SH3GL2: variants seen among roughly 807,000 people sequenced by gnomAD.
SH3GL2 encodes SH3 domain containing GRB2 like 2, endophilin A1, also known as endophilin-A1.
In SH3GL2, 24 loss-of-function variants were observed where a neutral mutation model predicts 46.0. The observed-to-expected ratio is 0.52, with a 90% CI of 0.38 to 0.73. The LOEUF (loss-of-function observed/expected upper bound fraction) is 0.73, where lower values mean the gene tolerates loss of function less well. SH3GL2 is among the 30% of genes least tolerant of loss of function. The probability of loss-of-function intolerance (pLI) is 0.00; values close to 1 mark genes in which losing one functional copy is unlikely to be tolerated. For missense variants in SH3GL2, 413 were observed against 424.2 expected, an observed-to-expected ratio of 0.97 and a Z score of 0.23; for synonymous variants, 196 against 147.1, an observed-to-expected ratio of 1.33 and a Z score of -2.40.
chr9:17,776,442 G>C (rs948096178), intron 3 of SH3GL2, among the ~76,000 whole-genome samples: 2 of 152,040 alleles, frequency 1.3e-5, no homozygotes, highest in Non-Finnish European at 2.9e-5. Context: ...TCCAGAAAAA[G>C]AATCTCAGGG....
At chr9:17,670,331 C>A (rs184925564) in intron 1 of SH3GL2, among the ~76,000 whole-genome samples, 7 of 152,138 alleles carry the variant, frequency 4.6e-5, no homozygotes, top group African/African-American at 1.4e-4. Flanking sequence ...TCTTGGGCTG[C>A]TTTTTGTTAG....
At chr9:17,600,854 T>C (rs550046153) in intron 1 of SH3GL2, among the ~76,000 whole-genome samples, 3 of 152,310 alleles carry the variant, frequency 2.0e-5, no homozygotes, top group East Asian at 1.9e-4. Context: ...GAAAGAGATA[T>C]GTTATTTATG....
chr9:17,706,985 GTA>G lies in SH3GL2; in HGVS notation c.46-40071_46-40070del, dbSNP rs202120325. On this transcript the variant is annotated intron_variant, in intron 1 of 8. Transcript: ENST00000380607. ...AGTAAAAGGGATTTTTAGGCAATTTGTATATATATATGCACTTGACATATAAA... is the reference window on the plus strand; with the variant it reads ...AGTAAAAGGGATTTTTAGGCAATTTGTATATATATGCACTTGACATATAAA... 1.6e-3 allele frequency among the ~76,000 whole-genome samples: 244 copies of G among 151,940 alleles called. 3 individuals carry two copies. Among genetic ancestry groups the G allele is most frequent in the African/African-American group, 5.0e-3 (208 of 41,470 alleles).
chr9:17,756,660 A>C (rs920984450), intron 2 of SH3GL2, among the ~76,000 whole-genome samples: 5 of 151,842 alleles, frequency 3.3e-5, no homozygotes, highest in African/African-American at 7.3e-5. Flanking sequence ...TGAACTCATC[A>C]TTTTTTATGG....
intron 1 of SH3GL2, among the ~76,000 whole-genome samples, chr9:17,702,226 T>C (rs1280117361): frequency 6.6e-6 from 1 of 152,114 alleles, no homozygotes; most frequent in East Asian, 1.9e-4. Context: ...GGATCCATAA[T>C]TCACATTGGC....
intron 3 of SH3GL2, among the ~76,000 whole-genome samples, chr9:17,763,190 G>C (rs1179488981): frequency 1.3e-5 from 2 of 152,168 alleles, no homozygotes; most frequent in South Asian, 2.1e-4. Context: ...AAAATTCATT[G>C]TAACACAAAT....
At chr9:17,727,681 G>A (rs1420746465) in intron 1 of SH3GL2, among the ~76,000 whole-genome samples, 3 of 152,144 alleles carry the variant, frequency 2.0e-5, no homozygotes, top group Admixed American at 6.5e-5. Flanking sequence ...AGTGGATGAC[G>A]ATTTCCATAT....
At chr9:17,659,202 T>C (rs1588212269) in intron 1 of SH3GL2, among the ~76,000 whole-genome samples, 2 of 152,190 alleles carry the variant, frequency 1.3e-5, no homozygotes, top group African/African-American at 4.8e-5. Context: ...GTATTTACAC[T>C]GGGATCCCAT....
At chr9:17,687,830 C>T (rs1055783066) in intron 1 of SH3GL2, among the ~76,000 whole-genome samples, 1 of 152,008 alleles carries the variant, frequency 6.6e-6, no homozygotes, top group African/African-American at 2.4e-5. Context: ...GTCTCAAAGA[C>T]CACTTATTAT....
At chr9:17,709,698 C>G (rs1046879739) in intron 1 of SH3GL2, among the ~76,000 whole-genome samples, 4 of 151,702 alleles carry the variant, frequency 2.6e-5, no homozygotes, top group Admixed American at 6.6e-5. Context: ...CACACACACA[C>G]ACACACACAC....
chr9:17,624,841 T>C (rs1819243588), intron 1 of SH3GL2, among the ~76,000 whole-genome samples: 1 of 152,206 alleles, frequency 6.6e-6, no homozygotes, highest in Non-Finnish European at 1.5e-5. Context: ...TTTGCTTCTG[T>C]GCTGTGTGAA....
At chr9:17,671,966 A>G (rs1197791829) in intron 1 of SH3GL2, among the ~76,000 whole-genome samples, 5 of 152,276 alleles carry the variant, frequency 3.3e-5, no homozygotes, top group South Asian at 2.1e-4. Flanking sequence ...AAATGAAACC[A>G]TACCAGTAAA....
At chr9:17,694,770 T>C (rs1271597742) in intron 1 of SH3GL2, among the ~76,000 whole-genome samples, 1 of 152,200 alleles carries the variant, frequency 6.6e-6, no homozygotes, top group African/African-American at 2.4e-5. Context: ...CTTAAGGTAT[T>C]GCTCTGGAGA....
At chr9:17,680,841 G>A (rs989763407) in intron 1 of SH3GL2, among the ~76,000 whole-genome samples, 3 of 151,986 alleles carry the variant, frequency 2.0e-5, no homozygotes, top group East Asian at 1.9e-4. Flanking sequence ...CTTTGTTCTC[G>A]TTGGTTTGAA....
At chr9:17,788,557 C>A (rs111394755) in intron 5 of SH3GL2, among the ~76,000 whole-genome samples, 5 of 152,004 alleles carry the variant, frequency 3.3e-5, no homozygotes, top group African/African-American at 1.2e-4. Context: ...GACTAGCTAT[C>A]GGGGAAAAAC....
chr9:17,766,630 A>G (rs921883877), intron 3 of SH3GL2, among the ~76,000 whole-genome samples: 3 of 152,232 alleles, frequency 2.0e-5, no homozygotes, highest in Non-Finnish European at 4.4e-5. Flanking sequence ...TTAACCCATT[A>G]TAGCCAAAAT....
intron 7 of SH3GL2, among the ~76,000 whole-genome samples, chr9:17,791,867 A>G (rs917782584): frequency 6.6e-6 from 1 of 152,152 alleles, no homozygotes; most frequent in African/African-American, 2.4e-5. Flanking sequence ...GCCATCAGAG[A>G]GAGCTACTTT....
At chr9:17,631,260 C>A (rs547708104) in intron 1 of SH3GL2, among the ~76,000 whole-genome samples, 1 of 152,172 alleles carries the variant, frequency 6.6e-6, no homozygotes, top group African/African-American at 2.4e-5. Context: ...CTCATCCATC[C>A]CCCTGTGGAG....
chr9:17,675,083 A>G (rs1820574202), intron 1 of SH3GL2, among the ~76,000 whole-genome samples: 1 of 152,186 alleles, frequency 6.6e-6, no homozygotes, highest in African/African-American at 2.4e-5. Flanking sequence ...TGACGTCTCT[A>G]CTTTTTGAGC....
Sources: allele counts gnomAD v4.1 joint callset (sites outside exome capture counted in the v4.1 genomes callset), GRCh38; gene constraint gnomAD v4.1.1; transcripts MANE v1.5; gene names NCBI Gene and HGNC (gene_info 2026-07-23, HGNC 2026-07-21).